Variants in DPH6 observed in about 807,000 individuals in gnomAD.
The protein encoded by DPH6 is diphthine--ammonia ligase.
In DPH6, 33 loss-of-function variants were observed where a neutral mutation model predicts 38.2. The observed-to-expected ratio is 0.86, with a 90% confidence interval of 0.65 to 1.15. The LOEUF is 1.15. DPH6 is among the 50% of genes most tolerant of loss of function. The pLI is 0.00. For missense variants in DPH6, 325 were observed against 320.0 expected, an observed-to-expected ratio of 1.02 and a Z score of -0.12; for synonymous variants, 108 against 103.0, an observed-to-expected ratio of 1.05 and a Z score of -0.30.
chr15:35,333,321 A>T (rs1016046726), intron 3 of DPH6, among the ~76,000 whole-genome samples: 1 of 152,194 alleles, frequency 6.6e-6, no homozygotes, highest in East Asian at 1.9e-4. Context: ...AAGGAGCAAA[A>T]GTATTATACT....
chr15:35,357,923 T>C (rs2052579710), intron 3 of DPH6, among the ~76,000 whole-genome samples: 1 of 152,240 alleles, frequency 6.6e-6, no homozygotes, highest in Non-Finnish European at 1.5e-5. Flanking sequence ...TATTTGGATG[T>C]CTGGGTCTCT....
chr15:35,486,005 T>G (rs968703344), intron 3 of DPH6, among the ~76,000 whole-genome samples: 1 of 152,120 alleles, frequency 6.6e-6, no homozygotes, highest in Non-Finnish European at 1.5e-5. Flanking sequence ...TGAGATTGGG[T>G]GTATTAGTCC....
At chr15:35,210,362 GA>G in the DPH6 span, among the ~76,000 whole-genome samples, 1 of 152,140 alleles carries the variant, frequency 6.6e-6, no homozygotes, top group South Asian at 2.1e-4. Context: ...AGGGAATCAA[GA>G]AATGTAGCAA....
At chr15:35,226,764 T>A (rs1249995903) in intron 3 of DPH6, among the ~76,000 whole-genome samples, 2 of 152,224 alleles carry the variant, frequency 1.3e-5, no homozygotes, top group Non-Finnish European at 2.9e-5. Flanking sequence ...CCCAAAGCAA[T>A]CTACAGGTTG....
At chr15:35,461,246 T>C (rs1426070512) in intron 3 of DPH6, among the ~76,000 whole-genome samples, 4 of 152,136 alleles carry the variant, frequency 2.6e-5, no homozygotes, top group Admixed American at 6.5e-5. Context: ...ACCATACCCT[T>C]AATTTTTTTG....
intron 3 of DPH6, among the ~76,000 whole-genome samples, chr15:35,362,962 T>C (rs2052626372): frequency 6.6e-6 from 1 of 152,216 alleles, no homozygotes; most frequent in Non-Finnish European, 1.5e-5. Context: ...TCTAGCCATC[T>C]TTTTTATTAC....
intron 8 of DPH6, 69 bp from the exon 9 acceptor site, chr15:35,372,272 C>A (rs1272529357): frequency 4.0e-6 from 5 of 1,242,910 alleles, no homozygotes; most frequent in Admixed American, 6.7e-5. Flanking sequence ...GAATATGACA[C>A]TTCAAAGATG....
chr15:35,372,295 C>G lies in DPH6; in HGVS notation c.751-92G>C, dbSNP rs1043666670. On this transcript the variant is annotated intron_variant, in intron 8 of 8. Coordinates refer to ENST00000256538, the MANE Select transcript of DPH6 (RefSeq NM_080650.4). ...CACTTCAAAGATGTAATACTGTTAT[C>G]TGAAATACTGTTATCTTCGCAGCCT... is the stretch of plus-strand genomic sequence containing the variant. 7 of 1,056,466 alleles carry G rather than the reference C, an allele frequency of 6.6e-6. No homozygotes were observed. The African/African-American group carries it at 1.0e-4, about 15-fold the overall frequency. 65.4% of individuals were successfully genotyped at this position (1,056,466 alleles called of 1,614,324 possible). A position where few individuals can be genotyped will look rare whatever the true frequency, so the allele number is the denominator to read the frequency against.
the DPH6 span, among the ~76,000 whole-genome samples, chr15:35,166,557 A>T: frequency 3.9e-5 from 6 of 151,972 alleles, no homozygotes; most frequent in Non-Finnish European, 7.4e-5. Flanking sequence ...GTTAAGAATG[A>T]TTTTCCAGCT....
chr15:35,223,772 T>A (rs1175802219), intron 3 of DPH6, among the ~76,000 whole-genome samples: 1 of 152,030 alleles, frequency 6.6e-6, no homozygotes, highest in East Asian at 1.9e-4. Context: ...TAAATTATTA[T>A]TAATTAAAGT....
At chr15:35,521,297 T>C (rs530146104) in intron 3 of DPH6, 2 of 990,250 alleles carry the variant, frequency 2.0e-6, no homozygotes, top group Middle Eastern at 5.1e-4. Flanking sequence ...ATAATGGTCC[T>C]GTAATTCACT....
chr15:35,212,322 G>A, the DPH6 span, among the ~76,000 whole-genome samples: 1 of 152,102 alleles, frequency 6.6e-6, no homozygotes, highest in African/African-American at 2.4e-5. Flanking sequence ...CAAATGGAGA[G>A]AAAAACAGAA....
At chr15:35,542,991 G>GA (rs201183555) in intron 1 of DPH6, among the ~76,000 whole-genome samples, 10 of 41,656 alleles carry the variant, frequency 2.4e-4, no homozygotes, top group African/African-American at 5.0e-4. Flanking sequence ...AAATTATTGG[G>GA]AAAAAAAAAA....
At chr15:35,334,726 G>A (rs879104952) in intron 3 of DPH6, among the ~76,000 whole-genome samples, 1 of 152,098 alleles carries the variant, frequency 6.6e-6, no homozygotes, top group Non-Finnish European at 1.5e-5. Flanking sequence ...TCCCTGCAAA[G>A]GACAAGATTT....
the DPH6 span, among the ~76,000 whole-genome samples, chr15:35,166,573 A>T: frequency 6.6e-6 from 1 of 152,010 alleles, no homozygotes; most frequent in African/African-American, 2.4e-5. Context: ...CAGCTCAAAA[A>T]CATGAACCAT....
At chr15:35,432,912 A>G (rs186168132) in intron 5 of DPH6, among the ~76,000 whole-genome samples, 65 of 152,346 alleles carry the variant, frequency 4.3e-4, no homozygotes, top group African/African-American at 1.5e-3. Context: ...TACTGAGCTC[A>G]CTATCTGGGC....
At chr15:35,187,652 A>G in the DPH6 span, among the ~76,000 whole-genome samples, 7 of 152,206 alleles carry the variant, frequency 4.6e-5, 1 homozygote, top group Non-Finnish European at 1.0e-4. Flanking sequence ...GTTTAAAAGA[A>G]GGGAATGGCA....
At chr15:35,404,028 C>T (rs185113036) in intron 6 of DPH6, among the ~76,000 whole-genome samples, 1 of 152,208 alleles carries the variant, frequency 6.6e-6, no homozygotes, top group Non-Finnish European at 1.5e-5. Context: ...ACCTCCAGTT[C>T]CATCCATGTT....
chr15:35,202,380 T>C, the DPH6 span, among the ~76,000 whole-genome samples: 1 of 151,836 alleles, frequency 6.6e-6, no homozygotes, highest in East Asian at 1.9e-4. Context: ...CCTCACCTTC[T>C]TTAATAATTC....
Sources: allele counts gnomAD v4.1 joint callset (sites outside exome capture counted in the v4.1 genomes callset), GRCh38; gene constraint gnomAD v4.1.1; transcripts MANE v1.5; gene names NCBI Gene and HGNC (gene_info 2026-07-23, HGNC 2026-07-21).